Variants in ASIC2 observed in about 807,000 individuals in gnomAD.
ASIC2 encodes acid sensing ion channel subunit 2.
In ASIC2, 25 loss-of-function variants were observed where a neutral mutation model predicts 57.3. The observed-to-expected ratio is 0.44, with a 90% CI of 0.32 to 0.61. The LOEUF is 0.61. ASIC2 is among the 20% of genes least tolerant of loss of function. The pLI, the probability that ASIC2 is intolerant of heterozygous loss-of-function variation, is 0.06. For missense variants in ASIC2, 641 were observed against 738.1 expected (o/e 0.87, Z 1.52); for synonymous variants, 319 against 307.5 (o/e 1.04, Z -0.39).
chr17:34,037,394 C>A (rs551213039), intron 1 of ASIC2: 1 of 473,686 alleles, frequency 2.1e-6, no homozygotes, highest in South Asian at 3.4e-5. Flanking sequence ...GACGCTGGAA[C>A]CTCGGGCGGG....
chr17:33,682,060 CT>C (rs58085265), intron 1 of ASIC2, among the ~76,000 whole-genome samples: 272 of 122,730 alleles, frequency 2.2e-3, no homozygotes, highest in Admixed American at 3.1e-3. Flanking sequence ...TCAGTGACAT[CT>C]TTTTTTTTTT....
chr17:34,053,677 G>T (rs1294915147), intron 1 of ASIC2, among the ~76,000 whole-genome samples: 1 of 152,210 alleles, frequency 6.6e-6, no homozygotes, highest in Non-Finnish European at 1.5e-5. Context: ...TTGAGAGACA[G>T]AGAAATTAGG....
At chr17:33,028,624 G>A (rs150552730) in intron 3 of ASIC2, among the ~76,000 whole-genome samples, 3 of 152,156 alleles carry the variant, frequency 2.0e-5, no homozygotes, top group East Asian at 1.9e-4. Flanking sequence ...TGGCTCAAGC[G>A]ATCCTCCTGT....
intron 1 of ASIC2, among the ~76,000 whole-genome samples, chr17:33,483,966 G>T (rs1377137830): frequency 2.0e-5 from 3 of 152,274 alleles, no homozygotes; most frequent in African/African-American, 4.8e-5. Context: ...TCAGAGAGAA[G>T]GCAAAGTGAT....
At chr17:33,576,014 GT>G (rs1274841386) in intron 1 of ASIC2, among the ~76,000 whole-genome samples, 1 of 152,072 alleles carries the variant, frequency 6.6e-6, no homozygotes, top group Non-Finnish European at 1.5e-5. Flanking sequence ...TGCAAGTATT[GT>G]TTTAAATAAA....
intron 1 of ASIC2, among the ~76,000 whole-genome samples, chr17:33,448,909 A>G (rs886705792): frequency 7.2e-5 from 11 of 152,148 alleles, no homozygotes; most frequent in African/African-American, 2.7e-4. Flanking sequence ...AACCTAGTCA[A>G]AAGAACACAG....
intron 1 of ASIC2, among the ~76,000 whole-genome samples, chr17:33,774,424 T>C (rs1462543897): frequency 2.0e-5 from 3 of 152,164 alleles, no homozygotes; most frequent in African/African-American, 7.2e-5. Flanking sequence ...GCCTTGGGCA[T>C]AGATATGGAT....
chr17:33,824,625 G>C (rs1912850101), intron 1 of ASIC2, among the ~76,000 whole-genome samples: 1 of 152,130 alleles, frequency 6.6e-6, no homozygotes, highest in South Asian at 2.1e-4. Context: ...TGGTTTGGCT[G>C]TGGCCCCACC....
chr17:33,144,248 A>G (rs1196200269), intron 1 of ASIC2, among the ~76,000 whole-genome samples: 2 of 152,122 alleles, frequency 1.3e-5, no homozygotes, highest in Non-Finnish European at 2.9e-5. Flanking sequence ...GTACAGTAAT[A>G]TCAGGAATAT....
At chr17:33,366,531 G>T (rs1403707556) in intron 1 of ASIC2, among the ~76,000 whole-genome samples, 1 of 152,124 alleles carries the variant, frequency 6.6e-6, no homozygotes, top group Non-Finnish European at 1.5e-5. Flanking sequence ...CTTCTCCAGG[G>T]AGCCTTCTTT....
chr17:33,154,001 C>T (rs1904899804), intron 1 of ASIC2, among the ~76,000 whole-genome samples: 1 of 152,136 alleles, frequency 6.6e-6, no homozygotes, highest in Admixed American at 6.5e-5. Flanking sequence ...CCCCTCTGGT[C>T]CCAAGGGTGC....
At chr17:33,130,865 G>T (rs2092343003) in intron 1 of ASIC2, among the ~76,000 whole-genome samples, 1 of 152,190 alleles carries the variant, frequency 6.6e-6, no homozygotes, top group Non-Finnish European at 1.5e-5. Context: ...ATCCAAGTCA[G>T]AATGAGGAAT....
chr17:33,994,076 C>A (rs1317455878), intron 1 of ASIC2, among the ~76,000 whole-genome samples: 1 of 152,156 alleles, frequency 6.6e-6, no homozygotes, highest in East Asian at 1.9e-4. Flanking sequence ...CTCCTATCAC[C>A]TTAGTTCTCC....
chr17:33,744,364 T>C (rs937433005), intron 1 of ASIC2, among the ~76,000 whole-genome samples: 7 of 152,150 alleles, frequency 4.6e-5, no homozygotes, highest in African/African-American at 1.7e-4. Flanking sequence ...AAAGACTGGG[T>C]GTAATACCAA....
chr17:33,386,943 G>GGTGTGT, intron 1 of ASIC2, among the ~76,000 whole-genome samples: 1 of 151,566 alleles, frequency 6.6e-6, no homozygotes, highest in African/African-American at 2.4e-5. Flanking sequence ...AATTCTTTGG[G>GGTGTGT]GTGTGTGTGT....
At chr17:34,011,728 C>T (rs1248155048) in intron 1 of ASIC2, among the ~76,000 whole-genome samples, 1 of 152,208 alleles carries the variant, frequency 6.6e-6, no homozygotes, top group African/African-American at 2.4e-5. Context: ...ATCAAATGCA[C>T]TCCTTTTAGT....
chr17:33,901,167 G>A (rs546340242), intron 1 of ASIC2, among the ~76,000 whole-genome samples: 7 of 152,188 alleles, frequency 4.6e-5, no homozygotes, highest in African/African-American at 1.4e-4. Flanking sequence ...TCCTGTGCAT[G>A]TCTTTGGGCG....
chr17:33,665,911 C>G (rs576900199), intron 1 of ASIC2, among the ~76,000 whole-genome samples: 8 of 152,234 alleles, frequency 5.3e-5, no homozygotes, highest in African/African-American at 1.9e-4. Context: ...CCTAAGTGCC[C>G]AGGCTGGGTT....
intron 3 of ASIC2, among the ~76,000 whole-genome samples, chr17:33,082,856 T>C (rs2092118770): frequency 6.6e-6 from 1 of 152,200 alleles, no homozygotes; most frequent in Non-Finnish European, 1.5e-5. Context: ...ATATATTTAC[T>C]CACTCATTTA....
Sources: gnomAD v4.1 joint callset for allele counts (sites outside exome capture counted in the v4.1 genomes callset) on GRCh38, gnomAD v4.1.1 for gene constraint, MANE v1.5 for transcripts, NCBI Gene and HGNC (gene_info 2026-07-23, HGNC 2026-07-21) for gene names.